The following SLC35F3 variants were observed in gnomAD, a reference collection of about 807,000 sequenced individuals.
SLC35F3 encodes the protein solute carrier family 35 member F3, also known as putative thiamine transporter SLC35F3.
In SLC35F3, 25 loss-of-function variants were observed where a neutral mutation model predicts 49.9. That is an observed-to-expected ratio of 0.50 (90% CI 0.37 to 0.70). SLC35F3 has a LOEUF of 0.70. Ranked by LOEUF, SLC35F3 falls within the 30% of genes least tolerant of loss-of-function variation. SLC35F3 has a pLI of 0.00. For missense variants in SLC35F3, 525 were observed against 639.8 expected (o/e 0.82, Z 1.94); for synonymous variants, 275 against 265.4 (o/e 1.04, Z -0.35).
intron 2 of SLC35F3, among the ~76,000 whole-genome samples, chr1:233,950,755 T>C (rs905674229): frequency 1.8e-4 from 27 of 152,158 alleles, no homozygotes; most frequent in African/African-American, 5.8e-4. Flanking sequence ...TTATTTTTTC[T>C]CATCAGAGTT....
At chr1:234,016,124 G>A (rs1663799370) in intron 2 of SLC35F3, among the ~76,000 whole-genome samples, 2 of 152,132 alleles carry the variant, frequency 1.3e-5, no homozygotes, top group African/African-American at 4.8e-5. Context: ...TGTCAAAGTG[G>A]CAATTATCAA....
At chr1:234,013,437 A>G (rs966656433) in intron 2 of SLC35F3, among the ~76,000 whole-genome samples, 12 of 152,078 alleles carry the variant, frequency 7.9e-5, no homozygotes, top group Non-Finnish European at 1.5e-4. Flanking sequence ...AAGGAACTAG[A>G]AAAAGAAGAA....
intron 2 of SLC35F3, among the ~76,000 whole-genome samples, chr1:234,196,642 G>A (rs368536773): frequency 6.6e-6 from 1 of 152,228 alleles, no homozygotes; most frequent in African/African-American, 2.4e-5. Flanking sequence ...GCTGTATCCT[G>A]TCAAAGACAA....
chr1:234,178,484 A>G (rs1220808358), intron 2 of SLC35F3, among the ~76,000 whole-genome samples: 6 of 150,990 alleles, frequency 4.0e-5, no homozygotes, highest in African/African-American at 1.5e-4. Context: ...AAGACTTTTT[A>G]GAACAGTTTT....
At chr1:234,131,389 C>T (rs1183637466) in intron 2 of SLC35F3, among the ~76,000 whole-genome samples, 3 of 152,108 alleles carry the variant, frequency 2.0e-5, no homozygotes, top group Admixed American at 2.0e-4. Flanking sequence ...AGGCTGTGGC[C>T]CTACCCAGCT....
At chr1:234,108,034 A>G (rs1190380455) in intron 2 of SLC35F3, among the ~76,000 whole-genome samples, 1 of 151,416 alleles carries the variant, frequency 6.6e-6, no homozygotes, top group Non-Finnish European at 1.5e-5. Context: ...AATGATAAGC[A>G]TAAGCCCCCT....
At chr1:233,948,931 C>T (rs1400247581) in intron 2 of SLC35F3, among the ~76,000 whole-genome samples, 4 of 152,156 alleles carry the variant, frequency 2.6e-5, no homozygotes, top group Non-Finnish European at 5.9e-5. Context: ...GGCTGTTTCT[C>T]CCTCACAGCC....
chr1:234,171,425 C>A (rs552099533), intron 2 of SLC35F3, among the ~76,000 whole-genome samples: 1 of 152,264 alleles, frequency 6.6e-6, no homozygotes, highest in African/African-American at 2.4e-5. Context: ...TGATCTGGCA[C>A]ATGTTGAGAT....
At chr1:234,179,241 G>A (rs561749812) in intron 2 of SLC35F3, among the ~76,000 whole-genome samples, 1 of 152,258 alleles carries the variant, frequency 6.6e-6, no homozygotes, top group Non-Finnish European at 1.5e-5. Context: ...TTCCAATTTG[G>A]CTGAAGGTCC....
intron 2 of SLC35F3, among the ~76,000 whole-genome samples, chr1:234,230,792 G>A (rs1667355210): frequency 6.6e-6 from 1 of 152,206 alleles, no homozygotes; most frequent in Non-Finnish European, 1.5e-5. Context: ...GCTATCAGCA[G>A]GAAGCCAGTT....
chr1:234,183,492 T>C (rs1666590758), intron 2 of SLC35F3, among the ~76,000 whole-genome samples: 1 of 143,194 alleles, frequency 7.0e-6, no homozygotes. Context: ...AATGAATTCT[T>C]ATTTTGTCAT....
At chr1:234,037,730 G>C (rs1159293746) in intron 2 of SLC35F3, among the ~76,000 whole-genome samples, 1 of 152,204 alleles carries the variant, frequency 6.6e-6, no homozygotes, top group Admixed American at 6.5e-5. Flanking sequence ...CTTGAATGTG[G>C]CATGTAAATT....
chr1:233,930,203 G>A lies in SLC35F3; in HGVS notation c.283+24445G>A, dbSNP rs779422049. 8.2e-4 allele frequency among the ~76,000 whole-genome samples: 125 copies of A among 151,852 alleles called. 1 individual carries two copies. The highest frequency in any genetic ancestry group is 5.9e-4 in the Admixed American group (9 of 15,226). On this transcript the variant is annotated intron_variant, in intron 2 of 7. Transcript: ENST00000366618. Reference sequence around the variant, plus strand: ...GAGAGAAAAACTTTGAAAGGTTCTTGAGAGGTACAGCTCCTGAGAGTTGTC... The same window carrying A: ...GAGAGAAAAACTTTGAAAGGTTCTTAAGAGGTACAGCTCCTGAGAGTTGTC...
At chr1:234,056,576 T>A (rs768434998) in intron 2 of SLC35F3, among the ~76,000 whole-genome samples, 9 of 152,234 alleles carry the variant, frequency 5.9e-5, no homozygotes, top group Non-Finnish European at 1.0e-4. Context: ...TGTCTATAGA[T>A]GTGCCTATTC....
intron 2 of SLC35F3, among the ~76,000 whole-genome samples, chr1:234,002,038 G>A (rs1663562634): frequency 6.6e-6 from 1 of 152,198 alleles, no homozygotes; most frequent in Admixed American, 6.5e-5. Context: ...CTCTGCCTGG[G>A]GGTGAGTTGT....
At position 233,960,125 on chromosome 1, in the gene SLC35F3, C is replaced by T. The variant is rs372973910; in HGVS notation, c.283+54367C>T. 4.6e-5 allele frequency among the ~76,000 whole-genome samples: 7 copies of T among 152,302 alleles called. No homozygotes were observed. The South Asian group carries it at 1.2e-3, about 27-fold the overall frequency. On this transcript the variant is annotated intron_variant, in intron 2 of 7. Coordinates refer to ENST00000366618, the MANE Select transcript of SLC35F3 (RefSeq NM_173508.4). ...GACCTGTCTGTCTAGGTGTGGGTTC[C>T]ATTCTCATATAAACTGCATGTTTTT... is the stretch of plus-strand genomic sequence containing the variant.
At chr1:234,206,186 T>C (rs970267182) in intron 2 of SLC35F3, among the ~76,000 whole-genome samples, 82 of 152,172 alleles carry the variant, frequency 5.4e-4, no homozygotes, top group African/African-American at 1.9e-3. Context: ...TGCAGAGTTT[T>C]TGTGATCTTT....
At chr1:234,298,279 G>T (rs1342740549) in intron 3 of SLC35F3, among the ~76,000 whole-genome samples, 2 of 152,176 alleles carry the variant, frequency 1.3e-5, no homozygotes, top group African/African-American at 4.8e-5. Flanking sequence ...GTCTGGGAAG[G>T]TCTCTGAAGT....
intron 2 of SLC35F3, among the ~76,000 whole-genome samples, chr1:233,917,391 G>A (rs1661990350): frequency 6.6e-6 from 1 of 152,190 alleles, no homozygotes; most frequent in Non-Finnish European, 1.5e-5. Context: ...CTCTGCTGCT[G>A]TAATCAGAGT....
Sources: allele counts gnomAD v4.1 joint callset (sites outside exome capture counted in the v4.1 genomes callset), GRCh38; gene constraint gnomAD v4.1.1; transcripts MANE v1.5; gene names NCBI Gene and HGNC (gene_info 2026-07-23, HGNC 2026-07-21).